Variants in L1TD1 observed in about 807,000 individuals in gnomAD.
The protein encoded by L1TD1 is LINE-1 type transposase domain-containing protein 1.
L1TD1 carries 26 observed loss-of-function variants against 25.7 expected under a neutral mutation model. That is an observed-to-expected ratio of 1.01 (90% CI 0.74 to 1.40). L1TD1 has a LOEUF of 1.40. L1TD1 is among the 40% of genes most tolerant of loss of function. L1TD1 has a pLI of 0.00. For missense variants in L1TD1, 1,130 were observed against 975.0 expected (o/e 1.16, Z -2.12); for synonymous variants, 421 against 335.6 (o/e 1.25, Z -2.78).
chr1:62,205,389 T>TCTCTCTCTCTC (rs1670718755), intron 2 of L1TD1, among the ~76,000 whole-genome samples: 9 of 60,296 alleles, frequency 1.5e-4, no homozygotes, highest in Admixed American at 7.1e-4. Context: ...CTCTCTCTCT[T>TCTCTCTCTCTC]TCTCTCTCTC....
chr1:62,203,367 C>A (rs952523087), intron 2 of L1TD1, among the ~76,000 whole-genome samples: 1 of 152,130 alleles, frequency 6.6e-6, no homozygotes, highest in South Asian at 2.1e-4. Flanking sequence ...TTAACCATCC[C>A]TATTCCCTAC....
At chr1:62,201,632 A>G (rs961384166) in intron 2 of L1TD1, among the ~76,000 whole-genome samples, 4 of 152,176 alleles carry the variant, frequency 2.6e-5, no homozygotes, top group Non-Finnish European at 4.4e-5. Context: ...GTTTTAAAGT[A>G]AATCCCAGAC....
chr1:62,197,167 C>T (rs1032090716), intron 2 of L1TD1, among the ~76,000 whole-genome samples: 2 of 151,824 alleles, frequency 1.3e-5, no homozygotes, highest in Admixed American at 6.6e-5. Context: ...GGCCAGATCA[C>T]TTAAGGTCAG....
chr1:62,210,598 C>T lies in L1TD1; in HGVS notation c.1824C>T (p.Asp608=), dbSNP rs777729013. The change falls in exon 4 of 4, where the codon GAC becomes GAT. Residue 608 remains aspartate (D), a synonymous_variant. Transcript: ENST00000498273. ...HTEELTSKEA[D]LTEETEENLR... is the part of the protein sequence containing the mutation. ...AAGAACTAACATCCAAAGAAGCAGA[C>T]TTAACAGAGGAAACAGAAGAAAACT... 1.2e-5 allele frequency: 19 copies of T among 1,611,280 alleles called. No individual in the cohort carries two copies. The highest frequency in any genetic ancestry group is 9.3e-6 in the Non-Finnish European group (11 of 1,178,558).
In L1TD1 at chr1:62,210,440, G is replaced by A; in HGVS notation, c.1666G>A (p.Ala556Thr). 3.7e-6 allele frequency: 6 copies of A among 1,614,092 alleles called. No homozygotes were observed. The highest frequency in any genetic ancestry group is 1.3e-5 in the African/African-American group (1 of 75,028). The change falls in exon 4 of 4, where the codon GCC becomes ACC. Residue 556 changes from alanine (A) to threonine (T), a missense_variant. Coordinates refer to ENST00000498273, the MANE Select transcript of L1TD1 (RefSeq NM_019079.5). ...TGTPCLTLCL[A>T]SPSKSLEMSH... ...CACACCCTGTCTGACCTTATGTTTG[G>A]CCTCTCCCTCAAAGTCACTAGAGAT...
intron 1 of L1TD1, among the ~76,000 whole-genome samples, chr1:62,195,830 G>A (rs568070546): frequency 6.8e-6 from 1 of 146,188 alleles, no homozygotes; most frequent in African/African-American, 2.6e-5. Context: ...CACGAGGTCA[G>A]GAGATCGAGA....
intron 2 of L1TD1, among the ~76,000 whole-genome samples, chr1:62,197,748 C>T (rs148135851): frequency 0.012 from 1,859 of 151,916 alleles, 39 homozygotes; most frequent in African/African-American, 0.042. Context: ...CAGTGGTGCA[C>T]GCTTGTAGTC....
intron 2 of L1TD1, among the ~76,000 whole-genome samples, chr1:62,205,438 TATA>T (rs1389622276): frequency 0.034 from 2,277 of 66,236 alleles, 121 homozygotes; most frequent in East Asian, 0.084. Flanking sequence ...TATATATATA[TATA>T]TATTTTTTTT....
chr1:62,207,167 A>G lies in L1TD1; in HGVS notation c.539A>G (p.Asn180Ser). ...VMGSMEETLC[N>S]IDDRDGNRNV... is the part of the protein sequence containing the mutation. Reference sequence around the variant, plus strand: ...GGAAGTATGGAAGAAACCTTATGCAATATAGATGACAGAGATGGAAATCGC... The same window carrying G: ...GGAAGTATGGAAGAAACCTTATGCAGTATAGATGACAGAGATGGAAATCGC... Residue 180 changes from asparagine (N) to serine (S), a missense_variant, in exon 3 of 4, where the codon AAT (asparagine) becomes AGT (serine). By Grantham distance (46) the Asn-to-Ser change is conservative. Coordinates refer to ENST00000498273, the MANE Select transcript of L1TD1 (RefSeq NM_019079.5). The G allele has an allele frequency of 6.4e-7, 1 of 1,557,046 alleles. No individual in the cohort carries two copies. Among genetic ancestry groups the G allele is most frequent in the Non-Finnish European group, 8.7e-7 (1 of 1,149,372 alleles).
intron 2 of L1TD1, among the ~76,000 whole-genome samples, chr1:62,198,446 T>TA (rs11353722): frequency 2.7e-3 from 379 of 140,386 alleles, no homozygotes; most frequent in African/African-American, 7.5e-3. Flanking sequence ...TGTTCTTATT[T>TA]AAAAAAAAAA....
At chr1:62,195,972 G>A (rs1022239567) in intron 1 of L1TD1, among the ~76,000 whole-genome samples, 1 of 152,134 alleles carries the variant, frequency 6.6e-6, no homozygotes, top group Non-Finnish European at 1.5e-5. Flanking sequence ...GGGAGGCGGA[G>A]GTTGCAGTGA....
At chr1:62,208,036 C>G (rs1228941353) in intron 3 of L1TD1, 1 of 156,394 alleles carries the variant, frequency 6.4e-6, no homozygotes, top group Non-Finnish European at 1.4e-5. Flanking sequence ...AAAATGATTC[C>G]TTAAAAGTAA....
At chr1:62,195,800 A>G (rs936816685) in intron 1 of L1TD1, among the ~76,000 whole-genome samples, 5 of 152,084 alleles carry the variant, frequency 3.3e-5, no homozygotes, top group Non-Finnish European at 4.4e-5. Flanking sequence ...GCACTTTGGG[A>G]GGCCGAGGCG....
At position 62,211,227 on chromosome 1, in the gene L1TD1, G is replaced by T. The variant is rs1480439649; in HGVS notation, c.2453G>T (p.Gly818Val). 4 of 1,566,350 alleles carry T rather than the reference G, an allele frequency of 2.6e-6. No homozygotes were observed. Among genetic ancestry groups the T allele is most frequent in the Non-Finnish European group, 2.6e-6 (3 of 1,154,858 alleles). ...GTCTTCAAAGTTCTGCTGGAAAAAG[G>T]CTTTAATCCTAGAATCCTATATCCA... is the stretch of plus-strand genomic sequence containing the variant. ...SNVFKVLLEK[G>V]FNPRILYPAK... Residue 818 changes from glycine (G) to valine (V), a missense_variant, in exon 4 of 4, where the codon GGC becomes GTC. Coordinates refer to ENST00000498273, the MANE Select transcript of L1TD1 (RefSeq NM_019079.5).
In L1TD1 at chr1:62,212,124, A is replaced by C. The variant is rs989886830; in HGVS notation, c.*752A>C. The C allele has an allele frequency of 2.6e-5, 4 of 151,978 alleles. No homozygotes were observed. The highest frequency in any genetic ancestry group is 9.7e-5 in the African/African-American group (4 of 41,370). The allele number at this position is 151,978 out of a possible 1,614,324, so 9.4% of individuals were successfully genotyped here. A position where few individuals can be genotyped will look rare whatever the true frequency, so the allele number is the denominator to read the frequency against. On this transcript the variant is annotated 3_prime_UTR_variant, in exon 4 of 4. Coordinates refer to ENST00000498273, the MANE Select transcript of L1TD1 (RefSeq NM_019079.5). ...ATGGCAAGGTTAGTTAAAATAGAAAAGTGCTCAGTTCCTCATACCTGTAAT... is the reference window on the plus strand; with the variant it reads ...ATGGCAAGGTTAGTTAAAATAGAAACGTGCTCAGTTCCTCATACCTGTAAT...
chr1:62,207,392 A>G lies in L1TD1; in HGVS notation c.764A>G (p.Asp255Gly), dbSNP rs1349430274. 1.3e-6 allele frequency: 2 copies of G among 1,551,488 alleles called. No homozygotes were observed. The highest frequency in any genetic ancestry group is 1.4e-5 in the African/African-American group (1 of 73,050). The change falls in exon 3 of 4, where the codon GAT (aspartate) becomes GGT (glycine). Residue 255 changes from aspartate (D) to glycine (G), a missense_variant. Physicochemically the swap from Asp to Gly is moderately conservative, Grantham distance 94. Transcript: ENST00000498273. ...LVADLSSATLDISKQWSNVFN... is the reference protein window; with the variant it reads ...LVADLSSATLGISKQWSNVFN... ...GCCGACCTTTCATCAGCAACACTGG[A>G]TATTAGTAAGCAATGGAGTAATGTC...
At chr1:62,202,669 A>ATTTTTTTTT (rs35815437) in intron 2 of L1TD1, among the ~76,000 whole-genome samples, 2 of 71,864 alleles carry the variant, frequency 2.8e-5, no homozygotes, top group African/African-American at 5.7e-5. Context: ...CCAGGGTTTA[A>ATTTTTTTTT]TTTTTTTTTT....
chr1:62,198,461 G>A (rs1266055821), intron 2 of L1TD1, among the ~76,000 whole-genome samples: 11 of 146,146 alleles, frequency 7.5e-5, no homozygotes, highest in East Asian at 2.0e-4. Context: ...AAAAAAAAAA[G>A]AAGAAAAGAG....
intron 2 of L1TD1, among the ~76,000 whole-genome samples, chr1:62,205,383 CTCTCTT>C (rs781110906): frequency 0.022 from 1,189 of 53,768 alleles, 17 homozygotes; most frequent in African/African-American, 0.037. Context: ...TTCTCTCTCT[CTCTCTT>C]TCTCTCTCTC....
Sources: gnomAD v4.1 joint callset for allele counts (sites outside exome capture counted in the v4.1 genomes callset) on GRCh38, gnomAD v4.1.1 for gene constraint, MANE v1.5 for transcripts, NCBI Gene and HGNC (gene_info 2026-07-23, HGNC 2026-07-21) for gene names.